The following LAMA2 variants were observed in gnomAD, a reference collection of about 807,000 sequenced individuals.
The protein encoded by LAMA2 is laminin subunit alpha-2.
LAMA2 carries 269 observed loss-of-function variants against 364.8 expected under a neutral mutation model. The ratio of observed to expected loss-of-function variants is 0.74; its 90% CI spans 0.67 to 0.82. The LOEUF (loss-of-function observed/expected upper bound fraction) is 0.82, where lower values mean the gene tolerates loss of function less well. LAMA2 is among the 40% of genes least tolerant of loss of function. The pLI is 0.00. For missense variants in LAMA2, 3,807 were observed against 3,873.2 expected, an observed-to-expected ratio of 0.98 and a Z score of 0.45; for synonymous variants, 1,379 against 1,370.6, an observed-to-expected ratio of 1.01 and a Z score of -0.14.
intron 49 of LAMA2, among the ~76,000 whole-genome samples, chr6:129,461,018 T>C (rs780790204): frequency 2.0e-5 from 3 of 151,966 alleles, no homozygotes; most frequent in Non-Finnish European, 2.9e-5. Flanking sequence ...AATAAACACT[T>C]TTATATAAAA....
At chr6:129,421,831 A>G (rs911892763) in intron 40 of LAMA2, among the ~76,000 whole-genome samples, 2 of 151,968 alleles carry the variant, frequency 1.3e-5, no homozygotes, top group African/African-American at 4.8e-5. Flanking sequence ...TAACCTCTCA[A>G]TTCCACGGTG....
rs373039736 is a variant in LAMA2 at position 129,331,894 on chromosome 6, A to G, written c.4311+3482A>G. Among the ~76,000 whole-genome samples the G allele has an allele frequency of 7.2e-5, 11 of 152,166 alleles. No homozygotes were observed. In the East Asian group the frequency reaches 1.7e-3, roughly 24 times the overall value. On this transcript the variant is annotated intron_variant, in intron 29 of 64. Transcript: ENST00000421865. ...ACTATATCTAACAGCCATGTTTGCC[A>G]CTGTGAATCACCCCATTCTTCTTGA...
At chr6:128,987,483 A>G (rs571675141) in intron 1 of LAMA2, among the ~76,000 whole-genome samples, 1 of 152,218 alleles carries the variant, frequency 6.6e-6, no homozygotes, top group Middle Eastern at 3.4e-3. Context: ...CAAAAGGTAA[A>G]AGTAGATAAA....
At chr6:129,367,094 T>C (rs1234293747) in intron 33 of LAMA2, among the ~76,000 whole-genome samples, 1 of 152,228 alleles carries the variant, frequency 6.6e-6, no homozygotes, top group African/African-American at 2.4e-5. Context: ...GAGCTAGAAC[T>C]AGTAGACCTT....
chr6:129,353,108 A>C (rs1464865271), intron 31 of LAMA2, 56 bp from the exon 32 acceptor site: 1 of 1,364,330 alleles, frequency 7.3e-7, no homozygotes, highest in African/African-American at 1.4e-5. Context: ...ACACACAACA[A>C]TGTGGAGACA....
intron 3 of LAMA2, among the ~76,000 whole-genome samples, chr6:129,074,471 G>C (rs1237227598): frequency 6.6e-6 from 1 of 152,136 alleles, no homozygotes; most frequent in South Asian, 2.1e-4. Flanking sequence ...ATCAATAAAA[G>C]TACCCTGAGA....
rs557704757 is a variant in LAMA2, at chr6:129,326,981, G to A, written c.4177-1297G>A. Among the ~76,000 whole-genome samples, 6 of 150,960 alleles carry A rather than the reference G, an allele frequency of 4.0e-5. No homozygotes were observed. In the South Asian group the frequency reaches 1.3e-3, roughly 32 times the overall value. ...TTCCAGGACTTATTCAATAATAATG[G>A]CAAAAATGAACCTTGCTTTTTAAAT... On this transcript the variant is annotated intron_variant, in intron 28 of 64. Coordinates refer to ENST00000421865, the MANE Select transcript of LAMA2 (RefSeq NM_000426.4).
intron 40 of LAMA2, among the ~76,000 whole-genome samples, chr6:129,414,798 C>T (rs1780701251): frequency 6.6e-6 from 1 of 152,140 alleles, no homozygotes; most frequent in African/African-American, 2.4e-5. Context: ...ATCCCCTAAC[C>T]TAACTTTTCT....
chr6:129,476,468 G>A (rs911849977), intron 53 of LAMA2, among the ~76,000 whole-genome samples: 18 of 152,110 alleles, frequency 1.2e-4, no homozygotes, highest in African/African-American at 3.9e-4. Flanking sequence ...GCCTTTGAGT[G>A]GTGACCCTCA....
At chr6:129,336,980 A>AGT (rs1775993614) in intron 29 of LAMA2, among the ~76,000 whole-genome samples, 3 of 152,216 alleles carry the variant, frequency 2.0e-5, no homozygotes, top group African/African-American at 4.8e-5. Context: ...TACAGTTAAC[A>AGT]AGATGAGATT....
chr6:129,432,046 G>A (rs573184494), intron 41 of LAMA2, among the ~76,000 whole-genome samples: 1 of 152,282 alleles, frequency 6.6e-6, no homozygotes, highest in African/African-American at 2.4e-5. Context: ...TTTTGAATTT[G>A]CATATTACCC....
At chr6:128,959,422 T>C (rs1781345085) in intron 1 of LAMA2, among the ~76,000 whole-genome samples, 1 of 152,204 alleles carries the variant, frequency 6.6e-6, no homozygotes, top group Non-Finnish European at 1.5e-5. Flanking sequence ...TCTAGAATTC[T>C]AGGTAGAAAG....
chr6:129,443,105 C>G, intron 44 of LAMA2, 37 bp downstream of exon 44: 1 of 1,538,848 alleles, frequency 6.5e-7, no homozygotes, highest in Non-Finnish European at 8.9e-7. Flanking sequence ...TTTAGTAACG[C>G]TCATGCTTCA....
chr6:129,361,773 T>G (rs1777473996), intron 32 of LAMA2, among the ~76,000 whole-genome samples: 2 of 146,516 alleles, frequency 1.4e-5, no homozygotes, highest in Admixed American at 1.4e-4. Context: ...AAAGAAGTAT[T>G]AACAGTAACC....
Position 129,475,389 on chromosome 6 carries a change from G to T in LAMA2, c.7440-1G>T. 1 of 1,540,906 alleles carries T rather than the reference G, an allele frequency of 6.5e-7. No individual in the cohort carries two copies. Reference sequence around the variant, plus strand: ...TTTTTTTCCTCTTTCCCGTTATCTAGTATGAAAGCAAGGTAAAATTTAAAT... The same window carrying T: ...TTTTTTTCCTCTTTCCCGTTATCTATTATGAAAGCAAGGTAAAATTTAAAT... On this transcript the variant is annotated splice_acceptor_variant, in intron 52 of 64. Transcript: ENST00000421865. LOFTEE classifies it high-confidence loss of function.
chr6:129,501,274 A>G (rs1167131317), intron 58 of LAMA2, among the ~76,000 whole-genome samples: 3 of 152,160 alleles, frequency 2.0e-5, no homozygotes, highest in Admixed American at 6.5e-5. Flanking sequence ...TGCTGCCTCT[A>G]AAAGAGGCCA....
rs1774911791 is a variant in LAMA2, at chr6:129,320,665, C to T, written c.4176+10C>T. ...TGGCCTGTCCTGTGAGGTAAGCTAC[C>T]TCCTACTAACCTGCTTAATCTCAAG... On this transcript the variant is annotated intron_variant, in intron 28 of 64. Coordinates refer to ENST00000421865, the MANE Select transcript of LAMA2 (RefSeq NM_000426.4). 2.8e-6 allele frequency: 4 copies of T among 1,448,708 alleles called. No homozygotes were observed. The highest frequency in any genetic ancestry group is 1.9e-6 in the Non-Finnish European group (2 of 1,029,084). The allele number at this position is 1,448,708 out of a possible 1,614,324, so 89.7% of individuals were successfully genotyped here.
intron 41 of LAMA2, among the ~76,000 whole-genome samples, chr6:129,434,170 A>G (rs1781731341): frequency 6.6e-6 from 1 of 152,218 alleles, no homozygotes; most frequent in Non-Finnish European, 1.5e-5. Context: ...ACTGCTCATT[A>G]TTAATGCAAG....
intron 4 of LAMA2, among the ~76,000 whole-genome samples, chr6:129,134,894 T>G (rs1448320959): frequency 3.9e-5 from 6 of 152,030 alleles, no homozygotes; most frequent in Admixed American, 3.9e-4. Context: ...ACCAGGAGGG[T>G]CTCTACTGAT....
Sources: gnomAD v4.1 joint callset for allele counts (sites outside exome capture counted in the v4.1 genomes callset) on GRCh38, gnomAD v4.1.1 for gene constraint, MANE v1.5 for transcripts, NCBI Gene and HGNC (gene_info 2026-07-23, HGNC 2026-07-21) for gene names.